The following BICD1 variants were observed in gnomAD, a reference collection of about 807,000 sequenced individuals.
The protein encoded by BICD1 is protein bicaudal D homolog 1.
Under a neutral mutation model 92.5 loss-of-function variants are expected in BICD1, and 35 were observed. The observed-to-expected ratio is 0.38, with a 90% CI of 0.29 to 0.50. The LOEUF is 0.50. BICD1 is among the 20% of genes least tolerant of loss of function. The pLI, the probability that BICD1 is intolerant of heterozygous loss-of-function variation, is 0.93. For missense variants in BICD1, 950 were observed against 1,189.8 expected, an observed-to-expected ratio of 0.80 and a Z score of 2.97; for synonymous variants, 429 against 465.1, an observed-to-expected ratio of 0.92 and a Z score of 1.00.
At chr12:32,249,883 C>G (rs1167825334) in intron 2 of BICD1, among the ~76,000 whole-genome samples, 1 of 151,468 alleles carries the variant, frequency 6.6e-6, no homozygotes, top group Non-Finnish European at 1.5e-5. Flanking sequence ...GGTCCTAGAA[C>G]AGAGGCTTGA....
At chr12:32,304,053 G>A (rs1948141686) in intron 3 of BICD1, among the ~76,000 whole-genome samples, 3 of 151,166 alleles carry the variant, frequency 2.0e-5, no homozygotes, top group Admixed American at 1.3e-4. Context: ...CAGCCTGGGC[G>A]ACAGAGCGAG....
intron 1 of BICD1, among the ~76,000 whole-genome samples, chr12:32,156,598 A>C (rs1477772797): frequency 6.6e-6 from 1 of 152,130 alleles, no homozygotes; most frequent in Non-Finnish European, 1.5e-5. Context: ...TTTCCCCTAA[A>C]ATTCTGACAT....
intron 3 of BICD1, among the ~76,000 whole-genome samples, chr12:32,299,028 A>G (rs1417861933): frequency 6.6e-6 from 1 of 152,174 alleles, no homozygotes; most frequent in Non-Finnish European, 1.5e-5. Context: ...TGGCTCAAAG[A>G]GCTTGTAGTC....
chr12:32,141,984 G>T (rs1173751470), intron 1 of BICD1, among the ~76,000 whole-genome samples: 2 of 152,090 alleles, frequency 1.3e-5, no homozygotes, highest in Admixed American at 6.5e-5. Context: ...TTTCAAAAAG[G>T]TATAAATCTT....
At chr12:32,342,594 T>C (rs1592699880) in intron 8 of BICD1, among the ~76,000 whole-genome samples, 1 of 152,146 alleles carries the variant, frequency 6.6e-6, no homozygotes, top group South Asian at 2.1e-4. Flanking sequence ...TTTTTAATTA[T>C]TCTAATAAGC....
rs75192115 is a variant in BICD1, at chr12:32,260,933, C to T, written c.427-33061C>T. ...CTGCTTGAATATCTGGCAGTTTCCC[C>T]GCTGACTTTTCCCTTGTCTGATTTC... is the stretch of plus-strand genomic sequence containing the variant. On this transcript the variant is annotated intron_variant, in intron 2 of 9. Transcript: ENST00000652176. Among the ~76,000 whole-genome samples, 1,194 of 152,264 alleles carry T rather than the reference C, an allele frequency of 7.8e-3. 15 individuals are homozygous for T. Among genetic ancestry groups the T allele is most frequent in the African/African-American group, 0.027 (1,140 of 41,546 alleles).
intron 8 of BICD1, 111 bp from the exon 9 acceptor site, chr12:32,367,559 G>T: frequency 6.6e-6 from 6 of 911,570 alleles, no homozygotes; most frequent in South Asian, 3.1e-5. Context: ...ATATTTCTGT[G>T]TGAATGCACA....
chr12:32,379,831 C>T lies in BICD1; in HGVS notation c.*2204C>T, dbSNP rs1287106253. The stretch of plus-strand genomic sequence containing the variant: ...GTCTCATCGGTTTTGTTTGGTGGGA[C>T]TGGGAGTTCAGCAGGAAGTATTGTC... On this transcript the variant is annotated 3_prime_UTR_variant, in exon 10 of 10. Transcript: ENST00000652176. 1 of 152,120 alleles carries T rather than the reference C, an allele frequency of 6.6e-6. No homozygotes were observed. Among genetic ancestry groups the T allele is most frequent in the Admixed American group, 6.6e-5 (1 of 15,266 alleles). The allele number at this position is 152,120 out of a possible 1,614,324, so 9.4% of individuals were successfully genotyped here. A position where few individuals can be genotyped will look rare whatever the true frequency, so the allele number is the denominator to read the frequency against.
At chr12:32,154,027 T>C (rs1156642418) in intron 1 of BICD1, among the ~76,000 whole-genome samples, 2 of 151,922 alleles carry the variant, frequency 1.3e-5, no homozygotes, top group Admixed American at 6.6e-5. Context: ...TTTATAAAGT[T>C]GCAGACGGGA....
In BICD1 at chr12:32,198,435, G is replaced by C. The variant is rs1023066025; in HGVS notation, c.214-17812G>C. 2.7e-5 allele frequency among the ~76,000 whole-genome samples: 4 copies of C among 149,074 alleles called. No homozygotes were observed. In the South Asian group the frequency reaches 6.4e-4, roughly 24 times the overall value. ...AAGGTCAGGGTCAGGGATGAATGTT[G>C]CATTAGTTGGCAATAAAAAGCAGCC... On this transcript the variant is annotated intron_variant, in intron 1 of 9. Transcript: ENST00000652176.
chr12:32,154,489 C>T (rs753111499), intron 1 of BICD1, among the ~76,000 whole-genome samples: 59 of 152,308 alleles, frequency 3.9e-4, no homozygotes, highest in Admixed American at 8.5e-4. Flanking sequence ...TGGCATGTAG[C>T]ACTCACCATT....
chr12:32,112,167 T>C (rs1489209807), intron 1 of BICD1, among the ~76,000 whole-genome samples: 1 of 152,010 alleles, frequency 6.6e-6, no homozygotes, highest in African/African-American at 2.4e-5. Flanking sequence ...CCACCACACC[T>C]GGCCAGTTTT....
intron 2 of BICD1, among the ~76,000 whole-genome samples, chr12:32,257,348 A>T (rs1946748362): frequency 6.6e-6 from 1 of 152,102 alleles, no homozygotes; most frequent in Admixed American, 6.6e-5. Flanking sequence ...ATATAAAATT[A>T]TATTTGTTCT....
At chr12:32,107,725 C>T (rs1388566891) in intron 1 of BICD1, 181 bp downstream of exon 1, 1 of 793,094 alleles carries the variant, frequency 1.3e-6, no homozygotes, top group Admixed American at 2.0e-5. Context: ...AGAAAAATTG[C>T]CTAAGAAATG....
At chr12:32,353,086 CAA>C (rs1938956867) in intron 8 of BICD1, 1 of 151,954 alleles carries the variant, frequency 6.6e-6, no homozygotes, top group African/African-American at 2.4e-5. Flanking sequence ...TACTTGACAT[CAA>C]AAGCAAAAAG....
At chr12:32,118,087 A>ATTTTATTTTATTTTATTTTAT (rs372015819) in intron 1 of BICD1, among the ~76,000 whole-genome samples, 2 of 128,526 alleles carry the variant, frequency 1.6e-5, no homozygotes, top group African/African-American at 5.7e-5. Context: ...ATTTTATTTT[A>ATTTTATTTTATTTTATTTTAT]TTTATTTTTT....
chr12:32,365,198 T>C (rs556624322), intron 8 of BICD1, among the ~76,000 whole-genome samples: 1 of 152,066 alleles, frequency 6.6e-6, no homozygotes, highest in Non-Finnish European at 1.5e-5. Flanking sequence ...GATTGTGCCA[T>C]TGCACTCCAG....
Position 32,327,778 on chromosome 12 carries a change from TAATA to T in BICD1, c.1327_1330del (p.Lys443LeufsTer2). 1 of 1,614,058 alleles carries T rather than the reference TAATA, an allele frequency of 6.2e-7. No homozygotes were observed. Among genetic ancestry groups the T allele is most frequent in the Non-Finnish European group, 8.5e-7 (1 of 1,180,000 alleles). On this transcript the variant is annotated frameshift_variant, in exon 5 of 10. Transcript: ENST00000652176. LOFTEE classifies it high-confidence loss of function. ...AAATTAAGGCCTTAAAGGAGAAATATAATAAATCTGTAGAAAACTACACTGATGA... is the reference window on the plus strand; with the variant it reads ...AAATTAAGGCCTTAAAGGAGAAATATAATCTGTAGAAAACTACACTGATGA...
At chr12:32,191,369 G>T (rs1944561451) in intron 1 of BICD1, among the ~76,000 whole-genome samples, 1 of 151,808 alleles carries the variant, frequency 6.6e-6, no homozygotes, top group South Asian at 2.1e-4. Context: ...ATAAATGAAA[G>T]AAGAGATACA....
Sources: gnomAD v4.1 joint callset for allele counts (sites outside exome capture counted in the v4.1 genomes callset) on GRCh38, gnomAD v4.1.1 for gene constraint, MANE v1.5 for transcripts, NCBI Gene and HGNC (gene_info 2026-07-23, HGNC 2026-07-21) for gene names.